TASOR2: variants seen among roughly 807,000 people sequenced by gnomAD.
TASOR2 encodes the protein transcription activation suppressor family member 2, also known as protein TASOR 2.
TASOR2 carries 84 observed loss-of-function variants against 199.5 expected under a neutral mutation model. The observed-to-expected ratio is 0.42, with a 90% CI of 0.35 to 0.50. The LOEUF (loss-of-function observed/expected upper bound fraction) is 0.50, where lower values mean the gene tolerates loss of function less well. Ranked by LOEUF, TASOR2 falls within the 20% of genes least tolerant of loss-of-function variation. The pLI, the probability that TASOR2 is intolerant of heterozygous loss-of-function variation, is 0.02. For synonymous variants in TASOR2, 1,103 were observed against 1,046.6 expected (o/e 1.05, Z -1.04); for missense variants, 2,796 against 2,835.9 (o/e 0.99, Z 0.32).
chr10:5,759,938 G>GT (rs1443229998), intron 18 of TASOR2, among the ~76,000 whole-genome samples: 1 of 152,220 alleles, frequency 6.6e-6, no homozygotes. Context: ...ACTTCGGTAA[G>GT]TAGAGAAGCA....
rs1833658758 is a variant in TASOR2 at position 5,723,581 on chromosome 10, A to T, written c.147-96A>T. 5 of 652,330 alleles carry T rather than the reference A, an allele frequency of 7.7e-6. No individual in the cohort carries two copies. The East Asian group carries it at 8.5e-5, about 11-fold the overall frequency. 40.4% of individuals were successfully genotyped at this position (652,330 alleles called of 1,614,324 possible). ...TCAACTTAAGGTCTTTTTTGTGGTT[A>T]TATTTTTGTTTACATTTATATTAGA... On this transcript the variant is annotated intron_variant, in intron 6 of 20. Coordinates refer to ENST00000328090, the Ensembl canonical transcript of TASOR2.
chr10:5,723,316 A>T (rs1427132654), intron 6 of TASOR2, among the ~76,000 whole-genome samples: 1 of 151,848 alleles, frequency 6.6e-6, no homozygotes, highest in Non-Finnish European at 1.5e-5. Context: ...CAGCCTCCCA[A>T]AGTTGCTGGG....
At chr10:5,712,185 G>T (rs1050162349) in intron 1 of TASOR2, 5 of 315,750 alleles carry the variant, frequency 1.6e-5, no homozygotes, top group Admixed American at 5.0e-5. Flanking sequence ...TTTAGCTCCT[G>T]TACTAAAAGT....
chr10:5,731,272 G>A (rs1420176186), intron 11 of TASOR2, 69 bp downstream of exon 12: 5 of 1,454,614 alleles, frequency 3.4e-6, no homozygotes, highest in Non-Finnish European at 3.7e-6. Context: ...GCTCATGCCT[G>A]TAATCCCAGC....
At chr10:5,692,782 C>CG (rs1270841839) in intron 1 of TASOR2, 4 of 151,430 alleles carry the variant, frequency 2.6e-5, no homozygotes, top group African/African-American at 9.7e-5. Context: ...AAGGCGCCGC[C>CG]GGCCCCGCGC....
rs1838684191 is a variant in TASOR2 at position 5,706,864 on chromosome 10, A to G, written c.-287-5959A>G. ...CTAAAAATACAAAAATTAGCCGGGC[A>G]TGTTGCTGGGCACTTGTAATCCCAG... On this transcript the variant is annotated intron_variant, in intron 1 of 20. Coordinates refer to ENST00000328090, the Ensembl canonical transcript of TASOR2. This position sits in a 1 kb window ranked among gnomAD's most constrained non-coding sequence, Gnocchi z 4.8. Among the ~76,000 whole-genome samples the G allele has an allele frequency of 6.6e-6, 1 of 152,090 alleles. No individual in the cohort carries two copies. The highest frequency in any genetic ancestry group is 1.9e-4 in the East Asian group (1 of 5,190).
chr10:5,711,801 A>G (rs1235311389), intron 1 of TASOR2, among the ~76,000 whole-genome samples: 1 of 152,126 alleles, frequency 6.6e-6, no homozygotes, highest in Non-Finnish European at 1.5e-5. Context: ...AATGAAAGAA[A>G]GTGATTTTAT....
intron 1 of TASOR2, among the ~76,000 whole-genome samples, chr10:5,696,615 A>G (rs2036905073): frequency 6.6e-6 from 1 of 152,100 alleles, no homozygotes; most frequent in African/African-American, 2.4e-5. Flanking sequence ...TGGCTTCCCA[A>G]AGTACTGGGA....
chr10:5,759,850 T>TG (rs1774591476), intron 18 of TASOR2, among the ~76,000 whole-genome samples: 1 of 152,094 alleles, frequency 6.6e-6, no homozygotes, highest in South Asian at 2.1e-4. Flanking sequence ...GAAAGGAGGG[T>TG]GCAAAGGCTT....
At chr10:5,756,560 T>C (rs530427402) in intron 15 of TASOR2, 53 bp from the exon 17 acceptor site, 14 of 1,586,106 alleles carry the variant, frequency 8.8e-6, no homozygotes, top group Non-Finnish European at 1.2e-5. Flanking sequence ...ACTATACAGG[T>C]AGTTCTGTGG....
chr10:5,735,786 G>T (rs962058916), intron 12 of TASOR2, among the ~76,000 whole-genome samples: 1 of 152,150 alleles, frequency 6.6e-6, no homozygotes, highest in Non-Finnish European at 1.5e-5. Flanking sequence ...CAAAAAGCCT[G>T]AACATGAATT....
At chr10:5,712,643 C>A in intron 1 of TASOR2, 180 bp from the exon 2 acceptor site, 1 of 996,824 alleles carries the variant, frequency 1.0e-6, no homozygotes, top group Non-Finnish European at 1.3e-6. Context: ...TATAATTTTT[C>A]AGACGCAGCA....
chr10:5,723,728 A>C lies in TASOR2; in HGVS notation c.198A>C (p.Lys66Asn), dbSNP rs747323205. 5.0e-6 allele frequency: 8 copies of C among 1,605,080 alleles called. No individual in the cohort carries two copies. The South Asian group carries it at 7.8e-5, about 16-fold the overall frequency. The change falls in exon 7 of 21, where the codon AAA (lysine) becomes AAC (asparagine). Residue 66 changes from lysine to asparagine, a missense_variant. Transcript: ENST00000328090. ...TAATGAAAGTGTCTTCCTTGAAAAA[A>C]AGACTACCAGAGGCTGCCTTCAGAA...
Position 5,715,714 on chromosome 10 carries a change from C to T in TASOR2, c.-191-1945C>T, listed in dbSNP as rs184175305. Among the ~76,000 whole-genome samples, 1,388 of 152,080 alleles carry T rather than the reference C, an allele frequency of 9.1e-3. 26 individuals carry two copies. The highest frequency in any genetic ancestry group is 0.032 in the African/African-American group (1,323 of 41,480). Reference sequence around the variant, plus strand: ...CTGGAGTGCAATGGCGCAATCTCAGCTCTCTGCAACCTTCGACTCCTTGGT... The same window carrying T: ...CTGGAGTGCAATGGCGCAATCTCAGTTCTCTGCAACCTTCGACTCCTTGGT... On this transcript the variant is annotated intron_variant, in intron 2 of 20. Coordinates refer to ENST00000328090, the Ensembl canonical transcript of TASOR2.
intron 8 of TASOR2, among the ~76,000 whole-genome samples, chr10:5,726,186 T>C (rs1274135081): frequency 6.6e-6 from 1 of 152,202 alleles, no homozygotes; most frequent in Non-Finnish European, 1.5e-5. Context: ...AAAGAAAAAC[T>C]ATTAAATTCA....
intron 1 of TASOR2, among the ~76,000 whole-genome samples, chr10:5,708,890 T>TG (rs1412675545): frequency 1.3e-5 from 2 of 151,886 alleles, no homozygotes; most frequent in East Asian, 1.9e-4. Flanking sequence ...TTTATAGAGG[T>TG]GGGGTCTCAC....
At chr10:5,760,850 G>A (rs1445194549) in intron 18 of TASOR2, 2 of 153,252 alleles carry the variant, frequency 1.3e-5, no homozygotes, top group African/African-American at 2.4e-5. Context: ...AACATACTGA[G>A]TTAACACATT....
chr10:5,686,613 A>G (rs1483420857), intron 1 of TASOR2, among the ~76,000 whole-genome samples: 1 of 152,218 alleles, frequency 6.6e-6, no homozygotes, highest in African/African-American at 2.4e-5. Context: ...AAATGATTGT[A>G]CCTTTTTATG....
chr10:5,757,246 G>C (rs537949254), intron 16 of TASOR2, among the ~76,000 whole-genome samples: 4 of 152,350 alleles, frequency 2.6e-5, no homozygotes, highest in African/African-American at 9.6e-5. Flanking sequence ...CACAACCTCA[G>C]ATGTGTCCTC....
Sources: gnomAD v4.1 joint callset for allele counts (sites outside exome capture counted in the v4.1 genomes callset) on GRCh38, gnomAD v4.1.1 for gene constraint, Gnocchi (gnomAD v3.1) non-coding constraint, MANE v1.5 for transcripts, NCBI Gene and HGNC (gene_info 2026-07-23, HGNC 2026-07-21) for gene names.